The following ARHGAP22 variants were observed in gnomAD, a reference collection of about 807,000 sequenced individuals.
ARHGAP22 encodes rho GTPase-activating protein 22.
Under a neutral mutation model 59.1 loss-of-function variants are expected in ARHGAP22, and 48 were observed. That is an observed-to-expected ratio of 0.81 (90% CI 0.64 to 1.03). The LOEUF (loss-of-function observed/expected upper bound fraction) is 1.03. Ranked by LOEUF, ARHGAP22 falls within the 50% of genes least tolerant of loss-of-function variation. ARHGAP22 has a pLI of 0.00. For synonymous variants in ARHGAP22, 445 were observed against 416.4 expected (o/e 1.07, Z -0.84); for missense variants, 1,015 against 958.7 (o/e 1.06, Z -0.78).
chr10:48,490,037 G>A (rs575641416), intron 3 of ARHGAP22, among the ~76,000 whole-genome samples: 327 of 152,204 alleles, frequency 2.1e-3, no homozygotes, highest in Non-Finnish European at 2.8e-3. Flanking sequence ...CCGGCCCAGA[G>A]GCTCTCTTAA....
chr10:48,496,280 AG>A (rs1324157860), intron 3 of ARHGAP22, among the ~76,000 whole-genome samples: 1 of 152,114 alleles, frequency 6.6e-6, no homozygotes, highest in African/African-American at 2.4e-5. Context: ...TGGTGGTATG[AG>A]GATATACAAT....
At chr10:48,638,392 T>A (rs1376935400) in intron 1 of ARHGAP22, among the ~76,000 whole-genome samples, 1 of 151,792 alleles carries the variant, frequency 6.6e-6, no homozygotes, top group East Asian at 1.9e-4. Flanking sequence ...GGGCCAGGAG[T>A]GTGTGTGTTG....
At chr10:48,563,774 T>C (rs186656064) in intron 2 of ARHGAP22, among the ~76,000 whole-genome samples, 2 of 152,352 alleles carry the variant, frequency 1.3e-5, no homozygotes, top group Non-Finnish European at 2.9e-5. Flanking sequence ...ATGCTATAAG[T>C]GGATTCCAAA....
chr10:48,590,446 T>C (rs1162590834), intron 1 of ARHGAP22, among the ~76,000 whole-genome samples: 1 of 152,046 alleles, frequency 6.6e-6, no homozygotes, highest in South Asian at 2.1e-4. Flanking sequence ...GGAGGTGCCC[T>C]GTAGCAAGAA....
At chr10:48,492,575 T>TG (rs1270142971) in intron 3 of ARHGAP22, among the ~76,000 whole-genome samples, 9 of 152,138 alleles carry the variant, frequency 5.9e-5, no homozygotes, top group African/African-American at 1.9e-4. Flanking sequence ...TTTTTCAAGA[T>TG]GGAGTTTCAC....
intron 3 of ARHGAP22, among the ~76,000 whole-genome samples, chr10:48,551,275 C>G (rs1416163528): frequency 6.6e-6 from 1 of 152,200 alleles, no homozygotes; most frequent in Non-Finnish European, 1.5e-5. Flanking sequence ...TCTTGCCTGT[C>G]TGCCCTGCAC....
chr10:48,573,087 T>C (rs1350183176), intron 2 of ARHGAP22, among the ~76,000 whole-genome samples: 1 of 152,216 alleles, frequency 6.6e-6, no homozygotes, highest in African/African-American at 2.4e-5. Context: ...TTAGCTTTTA[T>C]TTAGATTCAA....
At chr10:48,536,045 G>T (rs971597568) in intron 3 of ARHGAP22, among the ~76,000 whole-genome samples, 7 of 152,216 alleles carry the variant, frequency 4.6e-5, no homozygotes, top group African/African-American at 1.7e-4. Flanking sequence ...GCTGGCCTGG[G>T]TCCTGTTCAA....
At chr10:48,449,189 A>G (rs1233334313) in intron 9 of ARHGAP22, among the ~76,000 whole-genome samples, 2 of 152,214 alleles carry the variant, frequency 1.3e-5, no homozygotes, top group Admixed American at 1.3e-4. Context: ...TCTGCAGCAG[A>G]TAGCATCTTC....
chr10:48,576,483 AAC>A lies in ARHGAP22; in HGVS notation c.234+6468_234+6469del, dbSNP rs2058718344. ...TAGTCTCAACGTGAGAAATTACAAT[AAC>A]ACAGAAAAAATGCAAGCTGACCCTG... On this transcript the variant is annotated intron_variant, in intron 2 of 9. Coordinates refer to ENST00000249601, the MANE Select transcript of ARHGAP22 (RefSeq NM_021226.4). Among the ~76,000 whole-genome samples, 3 of 152,396 alleles carry A rather than the reference AAC, an allele frequency of 2.0e-5. 1 individual carries two copies. The highest frequency in any genetic ancestry group is 3.9e-4 in the East Asian group (2 of 5,192).
chr10:48,442,505 A>G (rs1564646558), downstream of ARHGAP22, among the ~76,000 whole-genome samples: 1 of 152,148 alleles, frequency 6.6e-6, no homozygotes, highest in Non-Finnish European at 1.5e-5. Flanking sequence ...CCTCGATTTG[A>G]TGTGTCACAA....
At chr10:48,433,020 C>T in the ARHGAP22 span, among the ~76,000 whole-genome samples, 1 of 152,108 alleles carries the variant, frequency 6.6e-6, no homozygotes, top group African/African-American at 2.4e-5. Context: ...TTTTCCCTGT[C>T]GAGTGCCTTC....
At chr10:48,474,954 T>C (rs2048573682) in intron 4 of ARHGAP22, among the ~76,000 whole-genome samples, 1 of 152,226 alleles carries the variant, frequency 6.6e-6, no homozygotes, top group African/African-American at 2.4e-5. Context: ...AATGATGCTT[T>C]GTCTTCCAAC....
In ARHGAP22 at chr10:48,513,461, C is replaced by T. The variant is rs185529033; in HGVS notation, c.323-33697G>A. Reference sequence around the variant, plus strand: ...AAACTTCCTAAGCAATGGAAGTGTGCGCCAACACACAAACATACATGTGCA... The same window carrying T: ...AAACTTCCTAAGCAATGGAAGTGTGTGCCAACACACAAACATACATGTGCA... On this transcript the variant is annotated intron_variant, in intron 3 of 9. Transcript: ENST00000249601. Among the ~76,000 whole-genome samples, 500 of 152,290 alleles carry T rather than the reference C, an allele frequency of 3.3e-3. 5 individuals are homozygous for T. The highest frequency in any genetic ancestry group is 1.5e-3 in the Admixed American group (23 of 15,302).
intron 3 of ARHGAP22, among the ~76,000 whole-genome samples, chr10:48,550,509 G>A (rs909587552): frequency 1.3e-5 from 2 of 152,208 alleles, no homozygotes; most frequent in African/African-American, 2.4e-5. Context: ...GGGCTGTGAC[G>A]GGATGATGGG....
chr10:48,621,582 T>C (rs2061287788), intron 1 of ARHGAP22, among the ~76,000 whole-genome samples: 1 of 152,222 alleles, frequency 6.6e-6, no homozygotes, highest in Non-Finnish European at 1.5e-5. Flanking sequence ...TATTCATCCC[T>C]AGATATTACA....
intron 2 of ARHGAP22, among the ~76,000 whole-genome samples, chr10:48,577,809 T>G (rs1225676097): frequency 3.3e-4 from 37 of 112,020 alleles, no homozygotes; most frequent in African/African-American, 1.4e-3. Context: ...TGGTTTTTTT[T>G]TTTTTTTTTT....
intron 1 of ARHGAP22, among the ~76,000 whole-genome samples, chr10:48,621,961 C>T (rs1218608668): frequency 1.3e-5 from 2 of 152,030 alleles, no homozygotes; most frequent in African/African-American, 4.8e-5. Flanking sequence ...TAGTGTAGCC[C>T]CTCCTCCTCT....
chr10:48,545,047 T>C (rs923988677), intron 3 of ARHGAP22, among the ~76,000 whole-genome samples: 5 of 152,210 alleles, frequency 3.3e-5, no homozygotes, highest in South Asian at 2.1e-4. Flanking sequence ...TGATTACATA[T>C]TGAAATGATA....
Sources: gnomAD v4.1 joint callset for allele counts (sites outside exome capture counted in the v4.1 genomes callset) on GRCh38, gnomAD v4.1.1 for gene constraint, MANE v1.5 for transcripts, NCBI Gene and HGNC (gene_info 2026-07-23, HGNC 2026-07-21) for gene names.